The following MROH2B variants were observed in gnomAD, a reference collection of about 807,000 sequenced individuals.
MROH2B encodes maestro heat like repeat family member 2B.
Under a neutral mutation model 208.6 loss-of-function variants are expected in MROH2B, and 177 were observed. The ratio of observed to expected loss-of-function variants is 0.85; its 90% CI spans 0.75 to 0.96. MROH2B has a LOEUF of 0.96. MROH2B is among the 40% of genes least tolerant of loss of function. The probability of loss-of-function intolerance (pLI) is 0.00; values close to 1 mark genes in which losing one functional copy is unlikely to be tolerated. For synonymous variants in MROH2B, 728 were observed against 659.0 expected (o/e 1.10, Z -1.60); for missense variants, 2,002 against 1,878.7 (o/e 1.07, Z -1.21).
At chr5:41,033,248 C>T (rs1742637326) in intron 22 of MROH2B, 88 bp from the exon 23 acceptor site, 2 of 1,520,412 alleles carry the variant, frequency 1.3e-6, no homozygotes, top group African/African-American at 1.4e-5. Context: ...GAAATATGTT[C>T]CCAGACAGGA....
chr5:41,012,517 T>C lies in MROH2B; in HGVS notation c.3135+66A>G, dbSNP rs181289802. On this transcript the variant is annotated intron_variant, in intron 30 of 41. Transcript: ENST00000399564. ...CCCATCAGTGGACAAACAGAGAAAGTGGCTGACTTGGCATTTCAGAAGTGA... is the reference window on the plus strand; with the variant it reads ...CCCATCAGTGGACAAACAGAGAAAGCGGCTGACTTGGCATTTCAGAAGTGA... 964 of 1,532,070 alleles carry C rather than the reference T, an allele frequency of 6.3e-4. 7 individuals are homozygous for C. In the African/African-American group the frequency reaches 0.012, roughly 19 times the overall value. The allele number at this position is 1,532,070 out of a possible 1,614,324, so 94.9% of individuals were successfully genotyped here.
intron 30 of MROH2B, among the ~76,000 whole-genome samples, chr5:41,010,502 G>A (rs999996123): frequency 2.0e-5 from 3 of 152,204 alleles, no homozygotes; most frequent in Admixed American, 2.0e-4. Flanking sequence ...ACATTGGAGG[G>A]CCATTTGGTT....
Position 41,067,223 on chromosome 5 carries a change from G to GT in MROH2B, c.91-6_91-5insA. The GT allele has an allele frequency of 6.6e-7, 1 of 1,516,928 alleles. No homozygotes were observed. The highest frequency in any genetic ancestry group is 9.0e-7 in the Non-Finnish European group (1 of 1,115,826). 94.0% of individuals were successfully genotyped at this position (1,516,928 alleles called of 1,614,324 possible). On this transcript the variant is annotated splice_region_variant and splice_polypyrimidine_tract_variant and intron_variant, in intron 2 of 41. Transcript: ENST00000399564. ...GAGATGACTGTAAATGTCTTCCTGT[G>GT]AATATACAAAGGCATACACAGAAAT...
intron 5 of MROH2B, among the ~76,000 whole-genome samples, chr5:41,062,157 G>A (rs954848436): frequency 1.3e-5 from 2 of 152,104 alleles, no homozygotes; most frequent in African/African-American, 2.4e-5. Flanking sequence ...ACAAGAATGC[G>A]TTCATATTAG....
intron 15 of MROH2B, among the ~76,000 whole-genome samples, chr5:41,048,828 T>C (rs1233750150): frequency 6.6e-6 from 1 of 152,174 alleles, no homozygotes; most frequent in Non-Finnish European, 1.5e-5. Context: ...ATAACAGATG[T>C]GGAATTTGTT....
chr5:41,027,281 T>C (rs1442939230), intron 24 of MROH2B, among the ~76,000 whole-genome samples: 4 of 152,142 alleles, frequency 2.6e-5, no homozygotes, highest in African/African-American at 7.2e-5. Flanking sequence ...ATTTTTGCAA[T>C]CTACTCATCT....
intron 27 of MROH2B, among the ~76,000 whole-genome samples, 168 bp downstream of exon 27, chr5:41,018,173 A>G (rs1157948034): frequency 1.3e-5 from 2 of 152,208 alleles, no homozygotes; most frequent in African/African-American, 4.8e-5. Context: ...CAATAGCTCA[A>G]TTCGTGTGAG....
At chr5:41,048,293 T>C (rs771688886) in intron 16 of MROH2B, 31 bp downstream of exon 16, 2 of 1,574,932 alleles carry the variant, frequency 1.3e-6, no homozygotes, top group Admixed American at 2.0e-5. Context: ...TCTTGCCCCC[T>C]GGGTAAAGAC....
chr5:41,061,725 C>A lies in MROH2B; in HGVS notation c.461-1G>T, dbSNP rs752423402. 1 of 1,613,022 alleles carries A rather than the reference C, an allele frequency of 6.2e-7. No homozygotes were observed. The highest frequency in any genetic ancestry group is 8.5e-7 in the Non-Finnish European group (1 of 1,179,430). On this transcript the variant is annotated splice_acceptor_variant, in intron 5 of 41. Transcript: ENST00000399564. LOFTEE classifies it high-confidence loss of function. Reference sequence around the variant, plus strand: ...ATGGCTTTGCTGAATTTCTCAAGGGCTGCATTTAAAACACACAACCACAGA... The same window carrying A: ...ATGGCTTTGCTGAATTTCTCAAGGGATGCATTTAAAACACACAACCACAGA...
At position 41,012,675 on chromosome 5, in the gene MROH2B, C is replaced by G; in HGVS notation, c.3043G>C (p.Gly1015Arg). 1 of 1,613,860 alleles carries G rather than the reference C, an allele frequency of 6.2e-7. No individual in the cohort carries two copies. The highest frequency in any genetic ancestry group is 8.5e-7 in the Non-Finnish European group (1 of 1,179,798). The change falls in exon 30 of 42, where the codon GGT (glycine) becomes CGT (arginine). Residue 1015 changes from glycine (G) to arginine (R), a missense_variant. Physicochemically the swap from Gly to Arg is moderately radical, Grantham distance 125. Coordinates refer to ENST00000399564, the MANE Select transcript of MROH2B (RefSeq NM_173489.5). ...ILMFLEEMLD[G>R]LESLNPTCTK... ...CAAGTGGGGTTGAGGCTCTCCAGAC[C>G]GTCCAGCATTTCCTCTAGGAACATC...
At position 41,051,029 on chromosome 5, in the gene MROH2B, G is replaced by T. The variant is rs1217939426; in HGVS notation, c.1292C>A (p.Thr431Lys). ...CAGGGTTTTTAAGACCTCAAGGCTT[G>T]TTTCTCGGACAGATTCCTCTTCCTT... ...NEKEEESVRE[T>K]SLEVLKTLDP... is the part of the protein sequence containing the mutation. The change falls in exon 13 of 42, where the codon ACA (threonine) becomes AAA (lysine). Residue 431 changes from threonine (T) to lysine (K), a missense_variant. Thr to Lys is a moderately conservative substitution (Grantham distance 78). Transcript: ENST00000399564. 3.8e-6 allele frequency: 6 copies of T among 1,566,010 alleles called. No individual in the cohort carries two copies. Among genetic ancestry groups the T allele is most frequent in the Non-Finnish European group, 4.3e-6 (5 of 1,162,730 alleles).
intron 2 of MROH2B, among the ~76,000 whole-genome samples, chr5:41,067,661 C>T (rs1437593022): frequency 1.4e-4 from 21 of 152,128 alleles, no homozygotes; most frequent in Admixed American, 1.4e-3. Context: ...AGCCACCGTG[C>T]CTGGCTTTAA....
At chr5:41,028,617 T>C (rs1742461596) in intron 24 of MROH2B, among the ~76,000 whole-genome samples, 1 of 152,184 alleles carries the variant, frequency 6.6e-6, no homozygotes, top group African/African-American at 2.4e-5. Flanking sequence ...ACAGGTCCAC[T>C]CATGTTGTAA....
chr5:41,016,838 A>T (rs775444866), intron 28 of MROH2B, among the ~76,000 whole-genome samples: 2 of 152,000 alleles, frequency 1.3e-5, no homozygotes, highest in African/African-American at 4.8e-5. Flanking sequence ...CTTGGTAAAA[A>T]CATATATCTT....
chr5:41,046,243 A>AC (rs1029008787), intron 17 of MROH2B, among the ~76,000 whole-genome samples: 24 of 151,134 alleles, frequency 1.6e-4, no homozygotes, highest in Admixed American at 5.9e-4. Context: ...AAAAAAAAAA[A>AC]CCCCAAACAC....
At position 41,009,353 on chromosome 5, in the gene MROH2B, T is replaced by G; in HGVS notation, c.3347A>C (p.Lys1116Thr). ...TTTGTCTATTAAGGCTTGCAAGAGT[T>G]TCCCACTGGAGGCTGGCTTTTCAGC... is the stretch of plus-strand genomic sequence containing the variant. Reference protein sequence around the residue: ...ALAEKPASSGKLLQALIDKLE... With the variant: ...ALAEKPASSGTLLQALIDKLE... The change falls in exon 32 of 42, where the codon AAA becomes ACA. Residue 1116 changes from lysine (K) to threonine (T), a missense_variant. Physicochemically the swap from Lys to Thr is moderately conservative, Grantham distance 78. Coordinates refer to ENST00000399564, the MANE Select transcript of MROH2B (RefSeq NM_173489.5). The G allele has an allele frequency of 6.2e-7, 1 of 1,613,928 alleles. No homozygotes were observed. Among genetic ancestry groups the G allele is most frequent in the East Asian group, 2.2e-5 (1 of 44,884 alleles).
intron 2 of MROH2B, among the ~76,000 whole-genome samples, chr5:41,067,578 C>T (rs1037015859): frequency 5.9e-5 from 9 of 152,022 alleles, no homozygotes; most frequent in Admixed American, 1.3e-4. Context: ...ATGTTGGCTA[C>T]GCTGGTCTCG....
intron 6 of MROH2B, among the ~76,000 whole-genome samples, chr5:41,060,740 G>T (rs577544609): frequency 6.6e-6 from 1 of 152,182 alleles, no homozygotes; most frequent in African/African-American, 2.4e-5. Flanking sequence ...GAGAGTAGTC[G>T]TTAAACAGAT....
chr5:41,058,156 C>A lies in MROH2B; in HGVS notation c.663G>T (p.Leu221=). The A allele has an allele frequency of 6.2e-7, 1 of 1,605,832 alleles. No individual in the cohort carries two copies. Among genetic ancestry groups the A allele is most frequent in the Non-Finnish European group, 8.5e-7 (1 of 1,175,862 alleles). Residue 221 remains leucine, a synonymous_variant, in exon 7 of 42, where the codon CTG becomes CTT. Transcript: ENST00000399564. ...CGTATCCACGGAAGTCTTCCCGATG[C>A]AGCAGCAAGCTCACCGTGGGCCCGT... ...KAHGPTVSLL[L]HREDFRGYAL... is the part of the protein sequence containing the mutation.
Sources: gnomAD v4.1 joint callset for allele counts (sites outside exome capture counted in the v4.1 genomes callset) on GRCh38, gnomAD v4.1.1 for gene constraint, MANE v1.5 for transcripts, NCBI Gene and HGNC (gene_info 2026-07-23, HGNC 2026-07-21) for gene names.